Variants in ATF2 observed in about 807,000 individuals in gnomAD.
The protein encoded by ATF2 is cyclic AMP-dependent transcription factor ATF-2.
Under a neutral mutation model 60.6 loss-of-function variants are expected in ATF2, and 24 were observed. The ratio of observed to expected loss-of-function variants is 0.40; its 90% CI spans 0.29 to 0.56. ATF2 has a LOEUF of 0.56. ATF2 is among the 20% of genes least tolerant of loss of function. The pLI is 0.54. For missense variants in ATF2, 433 were observed against 607.7 expected, an observed-to-expected ratio of 0.71 and a Z score of 3.02; for synonymous variants, 206 against 215.4, an observed-to-expected ratio of 0.96 and a Z score of 0.38.
At chr2:175,108,939 A>G in intron 10 of ATF2, among the ~76,000 whole-genome samples, 1 of 152,102 alleles carries the variant, frequency 6.6e-6, no homozygotes, top group Non-Finnish European at 1.5e-5. Context: ...AGGGCGGTGC[A>G]AGATGTGCTT....
chr2:175,148,140 T>G (rs1402690673), intron 2 of ATF2, among the ~76,000 whole-genome samples: 1 of 151,986 alleles, frequency 6.6e-6, no homozygotes, highest in Non-Finnish European at 1.5e-5. Flanking sequence ...TGAGAAATCA[T>G]GAAGGAAAAT....
chr2:175,116,127 T>C (rs965237398), intron 7 of ATF2, among the ~76,000 whole-genome samples: 11 of 152,100 alleles, frequency 7.2e-5, no homozygotes, highest in African/African-American at 7.2e-5. Flanking sequence ...TGGTAGACCA[T>C]TGAAAGATTT....
chr2:175,124,357 G>A (rs1326006867), intron 4 of ATF2, among the ~76,000 whole-genome samples: 1 of 151,622 alleles, frequency 6.6e-6, no homozygotes, highest in African/African-American at 2.4e-5. Context: ...AAAAGAAAGG[G>A]TAACCTGTCA....
intron 4 of ATF2, among the ~76,000 whole-genome samples, chr2:175,123,377 T>C (rs1697102382): frequency 6.6e-6 from 1 of 152,104 alleles, no homozygotes; most frequent in African/African-American, 2.4e-5. Flanking sequence ...CCTCATAATG[T>C]GGCTTTTCCA....
intron 1 of ATF2, among the ~76,000 whole-genome samples, chr2:175,166,183 C>T (rs1402872928): frequency 2.0e-5 from 3 of 152,164 alleles, no homozygotes; most frequent in Admixed American, 1.3e-4. Context: ...AAGCTCCTTC[C>T]TGACAATTAA....
chr2:175,144,558 C>T (rs1455303041), intron 2 of ATF2, among the ~76,000 whole-genome samples: 1 of 152,152 alleles, frequency 6.6e-6, no homozygotes, highest in Non-Finnish European at 1.5e-5. Flanking sequence ...AGTTAAGCCA[C>T]CAGAGAAAAC....
intron 13 of ATF2, among the ~76,000 whole-genome samples, chr2:175,076,734 T>C (rs1693332665): frequency 6.6e-6 from 1 of 151,886 alleles, no homozygotes; most frequent in African/African-American, 2.4e-5. Flanking sequence ...TTGTTTTGTT[T>C]CACCACTATT....
intron 10 of ATF2, among the ~76,000 whole-genome samples, chr2:175,110,102 TG>T (rs1358079919): frequency 6.6e-6 from 1 of 152,036 alleles, no homozygotes; most frequent in Non-Finnish European, 1.5e-5. Flanking sequence ...TTTGGGAGGC[TG>T]GGGAGGGGGG....
At chr2:175,090,831 T>C (rs1245004835) in intron 12 of ATF2, among the ~76,000 whole-genome samples, 2 of 152,200 alleles carry the variant, frequency 1.3e-5, no homozygotes, top group Non-Finnish European at 2.9e-5. Flanking sequence ...TTAGGAAGTA[T>C]ATACAAAGCA....
chr2:175,080,570 C>A, intron 13 of ATF2, 90 bp downstream of exon 13: 1 of 917,934 alleles, frequency 1.1e-6, no homozygotes, highest in Non-Finnish European at 1.6e-6. Context: ...ATTAGAAGCA[C>A]AGTCTCCATT....
chr2:175,160,110 T>C (rs1286227593), intron 1 of ATF2, among the ~76,000 whole-genome samples: 1 of 152,170 alleles, frequency 6.6e-6, no homozygotes, highest in Non-Finnish European at 1.5e-5. Flanking sequence ...ACCGGCTTGG[T>C]GTGGTGGCTC....
At chr2:175,154,321 G>A (rs1188762036) in intron 1 of ATF2, among the ~76,000 whole-genome samples, 3 of 150,964 alleles carry the variant, frequency 2.0e-5, no homozygotes, top group African/African-American at 4.9e-5. Context: ...GCCTACACAG[G>A]GTGACGATCA....
At position 175,087,737 on chromosome 2, in the gene ATF2, A is replaced by C. The variant is rs1258504267; in HGVS notation, c.1185+5324T>G. 1.3e-5 allele frequency among the ~76,000 whole-genome samples: 2 copies of C among 152,196 alleles called. 1 individual carries two copies. Among genetic ancestry groups the C allele is most frequent in the Non-Finnish European group, 2.9e-5 (2 of 68,012 alleles). ...ATCAAGTTTCCCTCCACACAGTTCC[A>C]AGGGTTATCGTGGAATGTAAAACCT... On this transcript the variant is annotated intron_variant, in intron 12 of 13. Transcript: ENST00000264110.
intron 12 of ATF2, among the ~76,000 whole-genome samples, chr2:175,089,641 T>G (rs1054974827): frequency 2.0e-5 from 3 of 152,328 alleles, no homozygotes; most frequent in Admixed American, 2.0e-4. Context: ...TCTCCCTGAA[T>G]CTATTATAGG....
Position 175,136,405 on chromosome 2 carries a change from C to A in ATF2, c.32+7G>T, listed in dbSNP as rs755517050. The A allele has an allele frequency of 2.5e-6, 4 of 1,609,392 alleles. No individual in the cohort carries two copies. The South Asian group carries it at 3.3e-5, about 13-fold the overall frequency. On this transcript the variant is annotated splice_region_variant and intron_variant, in intron 3 of 13. Coordinates refer to ENST00000264110, the MANE Select transcript of ATF2 (RefSeq NM_001880.4). ...ATGGCTAAAAATACCAAATATTGCA[C>A]ACATACCTGGCAGAATTCACATGTA...
intron 12 of ATF2, among the ~76,000 whole-genome samples, chr2:175,087,745 T>C (rs1646410855): frequency 6.6e-6 from 1 of 152,208 alleles, no homozygotes; most frequent in Non-Finnish European, 1.5e-5. Context: ...CCAAGGGTTA[T>C]CGTGGAATGT....
At chr2:175,107,765 C>T (rs918158034) in intron 10 of ATF2, among the ~76,000 whole-genome samples, 13 of 152,206 alleles carry the variant, frequency 8.5e-5, no homozygotes, top group African/African-American at 1.2e-4. Context: ...GACGGGGTTT[C>T]GCTGTGTTGG....
chr2:175,105,310 GC>G (rs34755587), intron 10 of ATF2, among the ~76,000 whole-genome samples: 34,286 of 144,628 alleles, frequency 0.24, 4,099 homozygotes, highest in African/African-American at 0.33. Context: ...ATTAAAATCT[GC>G]CCCCCCCCCA....
chr2:175,084,844 T>C (rs1694042570), intron 12 of ATF2, among the ~76,000 whole-genome samples: 1 of 152,108 alleles, frequency 6.6e-6, no homozygotes, highest in African/African-American at 2.4e-5. Context: ...GAACATATCT[T>C]TTCCTTGGTA....
Sources: allele counts gnomAD v4.1 joint callset (sites outside exome capture counted in the v4.1 genomes callset), GRCh38; gene constraint gnomAD v4.1.1; transcripts MANE v1.5; gene names NCBI Gene and HGNC (gene_info 2026-07-23, HGNC 2026-07-21).